ELMO1: variants seen among roughly 807,000 people sequenced by gnomAD.
The protein encoded by ELMO1 is engulfment and cell motility 1, also known as engulfment and cell motility protein 1.
In ELMO1, 26 loss-of-function variants were observed where a neutral mutation model predicts 98.9. That is an observed-to-expected ratio of 0.26 (90% confidence interval 0.19 to 0.36). The LOEUF (loss-of-function observed/expected upper bound fraction) is 0.36, where lower values mean the gene tolerates loss of function less well. ELMO1 is among the 10% of genes least tolerant of loss of function. The probability of loss-of-function intolerance (pLI) is 1.00; values close to 1 mark genes in which losing one functional copy is unlikely to be tolerated. For missense variants in ELMO1, 627 were observed against 935.2 expected, an observed-to-expected ratio of 0.67 and a Z score of 4.30; for synonymous variants, 346 against 346.0, an observed-to-expected ratio of 1.00 and a Z score of 0.00.
intron 1 of ELMO1, among the ~76,000 whole-genome samples, chr7:37,406,322 T>C (rs1334606861): frequency 6.6e-6 from 1 of 151,618 alleles, no homozygotes; most frequent in East Asian, 1.9e-4. Flanking sequence ...ATATGAAAGA[T>C]TTCCATTGGA....
chr7:37,025,155 A>G (rs1490562245), intron 15 of ELMO1, among the ~76,000 whole-genome samples: 6 of 152,198 alleles, frequency 3.9e-5, no homozygotes, highest in Admixed American at 2.0e-4. Context: ...TGGCAAAATA[A>G]TCATTTACTG....
chr7:37,023,648 C>A (rs1238973593), intron 15 of ELMO1, among the ~76,000 whole-genome samples: 1 of 152,120 alleles, frequency 6.6e-6, no homozygotes, highest in African/African-American at 2.4e-5. Flanking sequence ...TGCTCTGTCA[C>A]CCAGGCTGGA....
rs754271181 is a variant in ELMO1 at position 36,894,863 on chromosome 7, C to T, written c.1592G>A (p.Arg531His). 12 of 1,614,074 alleles carry T rather than the reference C, an allele frequency of 7.4e-6. No homozygotes were observed. The highest frequency in any genetic ancestry group is 8.5e-6 in the Non-Finnish European group (10 of 1,179,984). The part of the protein sequence containing the change: ...ERMNQEDFQS[R>H]PILELKEKIQ... ...ATACTAGGTAACTTACAAAATCGGG[C>T]GGGACTGGAAATCTTCCTGGTTCAT... is the stretch of plus-strand genomic sequence containing the variant. Residue 531 changes from arginine to histidine, a missense_variant, in exon 17 of 22, where the codon CGC (arginine) becomes CAC (histidine). Physicochemically the swap from Arg to His is conservative, Grantham distance 29 (BLOSUM62 0). Coordinates refer to ENST00000310758, the MANE Select transcript of ELMO1 (RefSeq NM_014800.11).
chr7:36,960,386 G>A (rs1788837956), intron 16 of ELMO1, among the ~76,000 whole-genome samples: 1 of 152,066 alleles, frequency 6.6e-6, no homozygotes, highest in South Asian at 2.1e-4. Context: ...TGACCAACTG[G>A]CTTCTTAAAA....
At chr7:36,892,686 A>C (rs140059379) in intron 17 of ELMO1, among the ~76,000 whole-genome samples, 1 of 152,356 alleles carries the variant, frequency 6.6e-6, no homozygotes, top group East Asian at 1.9e-4. Flanking sequence ...ATTCCTGTCT[A>C]GTAGATCACT....
At chr7:36,992,963 A>C (rs1444715165) in intron 16 of ELMO1, among the ~76,000 whole-genome samples, 1 of 152,190 alleles carries the variant, frequency 6.6e-6, no homozygotes, top group Admixed American at 6.5e-5. Flanking sequence ...CTGTGACAAC[A>C]GGGATTACAC....
At chr7:36,906,644 G>A (rs1783985001) in intron 16 of ELMO1, among the ~76,000 whole-genome samples, 1 of 152,116 alleles carries the variant, frequency 6.6e-6, no homozygotes, top group African/African-American at 2.4e-5. Flanking sequence ...ACTTAGGTGA[G>A]GCCAGGTGCA....
chr7:36,869,358 T>C (rs759574758), intron 20 of ELMO1, among the ~76,000 whole-genome samples: 3 of 152,254 alleles, frequency 2.0e-5, no homozygotes, highest in Non-Finnish European at 4.4e-5. Context: ...AGTATTTTCA[T>C]AGTACTTTTG....
intron 13 of ELMO1, among the ~76,000 whole-genome samples, chr7:37,206,265 T>C (rs1792611684): frequency 1.3e-5 from 2 of 152,174 alleles, no homozygotes; most frequent in African/African-American, 4.8e-5. Context: ...ATAGAGAAAA[T>C]TATTATCCCT....
intron 10 of ELMO1, 89 bp from the exon 11 acceptor site, chr7:37,216,784 T>A: frequency 3.8e-6 from 5 of 1,323,102 alleles, no homozygotes; most frequent in Non-Finnish European, 5.5e-6. Context: ...TGGGGTGTGC[T>A]TCGTAACTGT....
intron 2 of ELMO1, among the ~76,000 whole-genome samples, chr7:37,319,872 T>A (rs550156428): frequency 1.3e-5 from 2 of 152,170 alleles, no homozygotes; most frequent in Non-Finnish European, 2.9e-5. Context: ...TCTCCAATTT[T>A]TTTTTCTCCA....
At chr7:37,438,155 A>G (rs1805228686) in intron 1 of ELMO1, among the ~76,000 whole-genome samples, 1 of 152,168 alleles carries the variant, frequency 6.6e-6, no homozygotes, top group Non-Finnish European at 1.5e-5. Flanking sequence ...TGTTTTCTTG[A>G]AGAAAAGACA....
At chr7:37,344,497 T>A (rs1391645565) in intron 1 of ELMO1, among the ~76,000 whole-genome samples, 1 of 152,250 alleles carries the variant, frequency 6.6e-6, no homozygotes, top group Non-Finnish European at 1.5e-5. Flanking sequence ...GGTGATTTCT[T>A]AAGTTTAGCT....
At chr7:37,171,744 G>C (rs1353617570) in intron 13 of ELMO1, among the ~76,000 whole-genome samples, 1 of 151,750 alleles carries the variant, frequency 6.6e-6, no homozygotes, top group South Asian at 2.1e-4. Context: ...TGCCCACCTC[G>C]GCCTCCCAAA....
chr7:37,399,879 A>T (rs2131454261), intron 1 of ELMO1, among the ~76,000 whole-genome samples: 1 of 152,306 alleles, frequency 6.6e-6, no homozygotes, highest in Non-Finnish European at 1.5e-5. Flanking sequence ...GATTGTTGTG[A>T]GGATTAAACA....
intron 16 of ELMO1, among the ~76,000 whole-genome samples, chr7:36,907,317 T>C (rs978833621): frequency 2.6e-5 from 4 of 152,188 alleles, no homozygotes; most frequent in Admixed American, 1.3e-4. Context: ...TGGTTGAAAA[T>C]TGGGACACCC....
intron 6 of ELMO1, among the ~76,000 whole-genome samples, chr7:37,250,575 G>C (rs944097446): frequency 2.6e-5 from 4 of 151,886 alleles, no homozygotes; most frequent in Non-Finnish European, 5.9e-5. Context: ...GGTGGATCAC[G>C]AGGTCAGGAG....
intron 7 of ELMO1, among the ~76,000 whole-genome samples, chr7:37,242,683 A>G (rs763542864): frequency 6.6e-6 from 1 of 152,208 alleles, no homozygotes; most frequent in Non-Finnish European, 1.5e-5. Flanking sequence ...TTTTACCATT[A>G]AAGTGTGCAT....
chr7:37,011,461 A>G (rs1228909513), intron 16 of ELMO1, among the ~76,000 whole-genome samples: 1 of 152,240 alleles, frequency 6.6e-6, no homozygotes, highest in Non-Finnish European at 1.5e-5. Flanking sequence ...TCATCCCCAG[A>G]GTCAGTCCTC....
Sources: allele counts gnomAD v4.1 joint callset (sites outside exome capture counted in the v4.1 genomes callset), GRCh38; gene constraint gnomAD v4.1.1; transcripts MANE v1.5; gene names NCBI Gene and HGNC (gene_info 2026-07-23, HGNC 2026-07-21).